PGGT1B: variants seen among roughly 807,000 people sequenced by gnomAD.
The protein encoded by PGGT1B is geranylgeranyl transferase type-1 subunit beta.
PGGT1B carries 30 observed loss-of-function variants against 46.1 expected under a neutral mutation model. That is an observed-to-expected ratio of 0.65 (90% CI 0.49 to 0.88). PGGT1B has a LOEUF of 0.88. Among genes scored for constraint, PGGT1B ranks in the 40% least tolerant of loss-of-function variants. The pLI, the probability that PGGT1B is intolerant of heterozygous loss-of-function variation, is 0.00. For synonymous variants in PGGT1B, 170 were observed against 160.0 expected (o/e 1.06, Z -0.47); for missense variants, 376 against 455.9 (o/e 0.82, Z 1.60).
rs76679732 is a variant in PGGT1B, at chr5:115,227,709, CTT to C, written c.658+3265_658+3266del. Among the ~76,000 whole-genome samples, 29 of 152,310 alleles carry C rather than the reference CTT, an allele frequency of 1.9e-4. No homozygotes were observed. The East Asian group carries it at 5.6e-3, about 29-fold the overall frequency. Reference sequence around the variant, plus strand: ...AGGTTCTTCTCCATCTTCTTCCACACTTGTGTATAAAATCATATTTCTATTAC... The same window carrying C: ...AGGTTCTTCTCCATCTTCTTCCACACGTGTATAAAATCATATTTCTATTAC... On this transcript the variant is annotated intron_variant, in intron 6 of 8. Coordinates refer to ENST00000419445, the MANE Select transcript of PGGT1B (RefSeq NM_005023.4).
intron 7 of PGGT1B, among the ~76,000 whole-genome samples, chr5:115,220,898 G>A (rs1756569069): frequency 6.6e-6 from 1 of 151,942 alleles, no homozygotes; most frequent in South Asian, 2.1e-4. Context: ...GGGAATTAGA[G>A]TATGGATGAA....
At chr5:115,252,535 A>C (rs1171703123) in intron 2 of PGGT1B, among the ~76,000 whole-genome samples, 1 of 152,106 alleles carries the variant, frequency 6.6e-6, no homozygotes, top group East Asian at 1.9e-4. Context: ...TCTATCTTAG[A>C]TATTTTATAC....
At chr5:115,256,461 G>A (rs1748317532) in intron 1 of PGGT1B, among the ~76,000 whole-genome samples, 1 of 152,128 alleles carries the variant, frequency 6.6e-6, no homozygotes, top group South Asian at 2.1e-4. Context: ...TAATTATTAA[G>A]GGCTCCTGAA....
chr5:115,253,212 C>T lies in PGGT1B; in HGVS notation c.184G>A (p.Asp62Asn). The T allele has an allele frequency of 6.3e-7, 1 of 1,599,238 alleles. No homozygotes were observed. The highest frequency in any genetic ancestry group is 8.5e-7 in the Non-Finnish European group (1 of 1,173,892). ...TCTTTGTTCACCACATCTAAGGAATCCAACATATCCAGCCCGGAGAGTGCA... is the reference window on the plus strand; with the variant it reads ...TCTTTGTTCACCACATCTAAGGAATTCAACATATCCAGCCCGGAGAGTGCA... The part of the protein sequence containing the change: ...FFALSGLDML[D>N]SLDVVNKDDI... Residue 62 changes from aspartate to asparagine, a missense_variant, in exon 2 of 9, where the codon GAT (aspartate) becomes AAT (asparagine). Asp to Asn is a conservative substitution (Grantham distance 23). This residue lies in a region of PGGT1B where 154 missense variants were observed against 142.3 expected (regional missense o/e 1.08). Transcript: ENST00000419445.
chr5:115,243,472 T>C (rs1201337355), intron 2 of PGGT1B, among the ~76,000 whole-genome samples: 1 of 152,208 alleles, frequency 6.6e-6, no homozygotes, highest in Non-Finnish European at 1.5e-5. Flanking sequence ...TTTATGTTTA[T>C]AATTAAGCAA....
intron 6 of PGGT1B, among the ~76,000 whole-genome samples, chr5:115,225,771 G>A (rs577416760): frequency 6.6e-4 from 100 of 151,304 alleles, no homozygotes; most frequent in African/African-American, 2.3e-3. Flanking sequence ...TCTGCCTCCC[G>A]AGTAGCTAGG....
intron 6 of PGGT1B, among the ~76,000 whole-genome samples, chr5:115,222,884 C>T (rs1015428478): frequency 3.1e-4 from 47 of 152,110 alleles, no homozygotes; most frequent in African/African-American, 1.1e-3. Context: ...AACCAAACAC[C>T]GCATGTTCTC....
intron 6 of PGGT1B, 35 bp from the exon 7 acceptor site, chr5:115,222,043 A>C: frequency 3.9e-6 from 5 of 1,294,412 alleles, no homozygotes; most frequent in Non-Finnish European, 5.2e-6. Flanking sequence ...TTTAAACTTC[A>C]AATTAGATGC....
Position 115,212,317 on chromosome 5 carries a change from A to G in PGGT1B, c.*85T>C. 3 of 1,583,458 alleles carry G rather than the reference A, an allele frequency of 1.9e-6. No individual in the cohort carries two copies. Among genetic ancestry groups the G allele is most frequent in the South Asian group, 2.3e-5 (2 of 86,372 alleles). Reference sequence around the variant, plus strand: ...GATTGTAAGACTCTACCTTTTAAAAAAAGAGCACACTTGGTTATACATGGC... The same window carrying G: ...GATTGTAAGACTCTACCTTTTAAAAGAAGAGCACACTTGGTTATACATGGC... On this transcript the variant is annotated 3_prime_UTR_variant, in exon 9 of 9. Coordinates refer to ENST00000419445, the MANE Select transcript of PGGT1B (RefSeq NM_005023.4).
intron 2 of PGGT1B, among the ~76,000 whole-genome samples, chr5:115,243,336 C>T (rs1757407478): frequency 6.6e-6 from 1 of 152,088 alleles, no homozygotes; most frequent in African/African-American, 2.4e-5. Flanking sequence ...CATATCATGC[C>T]TCATGTACTG....
intron 2 of PGGT1B, among the ~76,000 whole-genome samples, chr5:115,251,340 T>C (rs1397912124): frequency 6.6e-6 from 1 of 152,124 alleles, no homozygotes. Context: ...AAACTCCAGA[T>C]AATAGCAAAT....
At chr5:115,225,136 G>A (rs1249449665) in intron 6 of PGGT1B, among the ~76,000 whole-genome samples, 1 of 152,108 alleles carries the variant, frequency 6.6e-6, no homozygotes, top group Admixed American at 6.6e-5. Flanking sequence ...TTATGCCTTA[G>A]TTGAAGACAT....
Position 115,253,329 on chromosome 5 carries a change from A to G in PGGT1B, c.141-74T>C. ...GTCTGAAGTCTTCCTGGTCTAGAAA[A>G]ATAATAAAATCATTCTAATTTTCCA... On this transcript the variant is annotated intron_variant, in intron 1 of 8. Coordinates refer to ENST00000419445, the MANE Select transcript of PGGT1B (RefSeq NM_005023.4). 2.5e-6 allele frequency: 3 copies of G among 1,206,230 alleles called. No homozygotes were observed. In the Admixed American group the frequency reaches 8.3e-5, roughly 33 times the overall value. The allele number at this position is 1,206,230 out of a possible 1,614,324, so 74.7% of individuals were successfully genotyped here. A position where few individuals can be genotyped will look rare whatever the true frequency, so the allele number is the denominator to read the frequency against.
chr5:115,251,319 T>C lies in PGGT1B; in HGVS notation c.259+1818A>G, dbSNP rs1285455190. Among the ~76,000 whole-genome samples, 3 of 152,150 alleles carry C rather than the reference T, an allele frequency of 2.0e-5. No homozygotes were observed. The South Asian group carries it at 6.2e-4, about 31-fold the overall frequency. On this transcript the variant is annotated intron_variant, in intron 2 of 8. Coordinates refer to ENST00000419445, the MANE Select transcript of PGGT1B (RefSeq NM_005023.4). ...GATTATGTAACAAACAAAATTATTA[T>C]GGATAATATGAAACTCCAGATAATA...
chr5:115,227,938 T>C (rs144184712), intron 6 of PGGT1B, among the ~76,000 whole-genome samples: 17 of 152,260 alleles, frequency 1.1e-4, no homozygotes, highest in African/African-American at 4.1e-4. Context: ...GTTGCTAATT[T>C]ATGGAGGACA....
chr5:115,251,173 TA>T (rs776851220), intron 2 of PGGT1B, among the ~76,000 whole-genome samples: 9 of 152,110 alleles, frequency 5.9e-5, no homozygotes, highest in Non-Finnish European at 1.0e-4. Flanking sequence ...TTAGTAAATA[TA>T]ACCAAATAGT....
chr5:115,253,161 G>T lies in PGGT1B; in HGVS notation c.235C>A (p.Leu79Met). ...KDDIIEWIYS[L>M]QVLPTEDRSN... is the part of the protein sequence containing the mutation. ...CTGTCTTCTGTGGGAAGGACCTGCAGGGAATAAATCCACTCTATTATATCA... is the reference window on the plus strand; with the variant it reads ...CTGTCTTCTGTGGGAAGGACCTGCATGGAATAAATCCACTCTATTATATCA... The change falls in exon 2 of 9, where the codon CTG becomes ATG. Residue 79 changes from leucine to methionine, a missense_variant. Physicochemically the swap from Leu to Met is conservative, Grantham distance 15. Coordinates refer to ENST00000419445, the MANE Select transcript of PGGT1B (RefSeq NM_005023.4). 1 of 1,605,942 alleles carries T rather than the reference G, an allele frequency of 6.2e-7. No individual in the cohort carries two copies. The highest frequency in any genetic ancestry group is 8.5e-7 in the Non-Finnish European group (1 of 1,176,826).
intron 2 of PGGT1B, among the ~76,000 whole-genome samples, chr5:115,243,690 G>A (rs1757418733): frequency 6.6e-6 from 1 of 152,186 alleles, no homozygotes; most frequent in South Asian, 2.1e-4. Flanking sequence ...AAGTTAAGGT[G>A]TAGGCAGGGC....
chr5:115,244,405 C>T (rs995185309), intron 2 of PGGT1B, among the ~76,000 whole-genome samples: 3 of 119,186 alleles, frequency 2.5e-5, no homozygotes, highest in African/African-American at 9.8e-5. Context: ...GCGGAGCTTG[C>T]AGTGAGCTAA....
Sources: gnomAD v4.1 joint callset for allele counts (sites outside exome capture counted in the v4.1 genomes callset) on GRCh38, gnomAD v4.1.1 for gene constraint, gnomAD v4.1.1 regional missense constraint, MANE v1.5 for transcripts, NCBI Gene and HGNC (gene_info 2026-07-23, HGNC 2026-07-21) for gene names.